The following LRP2 variants were observed in gnomAD, a reference collection of about 807,000 sequenced individuals.
LRP2 encodes LDL receptor related protein 2, also known as low-density lipoprotein receptor-related protein 2.
Under a neutral mutation model 531.0 loss-of-function variants are expected in LRP2, and 172 were observed. The ratio of observed to expected loss-of-function variants is 0.32; its 90% CI spans 0.29 to 0.37. The LOEUF is 0.37. LRP2 is among the 10% of genes least tolerant of loss of function. The pLI is 1.00. For synonymous variants in LRP2, 1,992 were observed against 2,027.6 expected, an observed-to-expected ratio of 0.98 and a Z score of 0.47; for missense variants, 5,167 against 5,868.3, an observed-to-expected ratio of 0.88 and a Z score of 3.90.
intron 9 of LRP2, among the ~76,000 whole-genome samples, chr2:169,287,525 T>C (rs1257337336): frequency 6.6e-6 from 1 of 152,134 alleles, no homozygotes; most frequent in Non-Finnish European, 1.5e-5. Context: ...AGCCCAACGA[T>C]TGTAGTTTTC....
At chr2:169,195,592 C>T (rs1687978249) in intron 46 of LRP2, among the ~76,000 whole-genome samples, 1 of 152,180 alleles carries the variant, frequency 6.6e-6, no homozygotes, top group East Asian at 1.9e-4. Context: ...GTCATTGGTA[C>T]TCACTGCTAT....
intron 37 of LRP2, 123 bp from the exon 38 acceptor site, chr2:169,209,764 T>C (rs1688528322): frequency 2.1e-6 from 2 of 950,476 alleles, no homozygotes; most frequent in African/African-American, 1.6e-5. Context: ...CATTACAAAA[T>C]GAAACCCTTT....
intron 1 of LRP2, among the ~76,000 whole-genome samples, chr2:169,357,551 C>T (rs910799865): frequency 2.4e-4 from 36 of 151,870 alleles, no homozygotes; most frequent in Non-Finnish European, 4.7e-4. Flanking sequence ...AGGCAGGTCT[C>T]GATCTCCTGA....
rs772901117 is a variant in LRP2, at chr2:169,139,273, G to A, written c.13366C>T (p.Pro4456Ser). 2.5e-6 allele frequency: 4 copies of A among 1,614,140 alleles called. No homozygotes were observed. Among genetic ancestry groups the A allele is most frequent in the East Asian group, 4.5e-5 (2 of 44,886 alleles). Residue 4456 changes from proline (P) to serine (S), a missense_variant, in exon 74 of 79, where the codon CCT becomes TCT. Physicochemically the swap from Pro to Ser is moderately conservative, Grantham distance 74 (BLOSUM62 -1). This residue lies in a region of LRP2 where 348 missense variants were observed against 369.3 expected (regional missense o/e 0.94). Transcript: ENST00000649046. ...GACCTTGGCAGCTTGGGCAGAGCAGGCAAAAGGGAGCCGGTCCTTCTATAG... is the reference window on the plus strand; with the variant it reads ...GACCTTGGCAGCTTGGGCAGAGCAGACAAAAGGGAGCCGGTCCTTCTATAG... ...FHYRRTGSLL[P>S]ALPKLPSLSS...
intron 1 of LRP2, among the ~76,000 whole-genome samples, chr2:169,326,830 C>T (rs1212743967): frequency 6.6e-6 from 1 of 151,340 alleles, no homozygotes; most frequent in Admixed American, 6.6e-5. Flanking sequence ...TGCCCGGCCG[C>T]CCATCGTCTG....
intron 30 of LRP2, among the ~76,000 whole-genome samples, chr2:169,232,541 C>G (rs1689446299): frequency 6.6e-6 from 1 of 152,096 alleles, no homozygotes; most frequent in Admixed American, 6.5e-5. Flanking sequence ...AACAACTAAA[C>G]TCAGAGAGAG....
chr2:169,152,781 A>G lies in LRP2; in HGVS notation c.12461+18T>C. ...AGGAAAACAGAACAGGTAAGGGGGG[A>G]ATGTATGGCAAATTTACCTTCCAAC... On this transcript the variant is annotated intron_variant, in intron 67 of 78. Coordinates refer to ENST00000649046, the MANE Select transcript of LRP2 (RefSeq NM_004525.3). 1 of 1,613,612 alleles carries G rather than the reference A, an allele frequency of 6.2e-7. No individual in the cohort carries two copies. Among genetic ancestry groups the G allele is most frequent in the Non-Finnish European group, 8.5e-7 (1 of 1,179,712 alleles).
chr2:169,219,496 C>T (rs957205523), intron 34 of LRP2, among the ~76,000 whole-genome samples: 17 of 152,202 alleles, frequency 1.1e-4, no homozygotes, highest in Non-Finnish European at 1.8e-4. Flanking sequence ...GTCTCCCTGG[C>T]CCTGGCCTCT....
At chr2:169,152,527 A>T (rs897850803) in intron 67 of LRP2, among the ~76,000 whole-genome samples, 15 of 152,222 alleles carry the variant, frequency 9.9e-5, no homozygotes, top group Non-Finnish European at 4.4e-5. Context: ...TATATCCTAG[A>T]TATAATATCT....
chr2:169,292,926 T>C lies in LRP2; in HGVS notation c.653-557A>G, dbSNP rs151132003. 2.2e-3 allele frequency among the ~76,000 whole-genome samples: 340 copies of C among 151,904 alleles called. 1 individual carries two copies. Among genetic ancestry groups the C allele is most frequent in the African/African-American group, 7.8e-3 (325 of 41,424 alleles). Reference sequence around the variant, plus strand: ...AATGCAGACAAAGATGCTGCAGACATGACAACATCCAACGTTCTCATACTT... The same window carrying C: ...AATGCAGACAAAGATGCTGCAGACACGACAACATCCAACGTTCTCATACTT... On this transcript the variant is annotated intron_variant, in intron 6 of 78. Transcript: ENST00000649046.
intron 43 of LRP2, among the ~76,000 whole-genome samples, 172 bp downstream of exon 43, chr2:169,202,584 C>G (rs1332068436): frequency 6.6e-6 from 1 of 152,224 alleles, no homozygotes; most frequent in Non-Finnish European, 1.5e-5. Flanking sequence ...TTAACCACTA[C>G]AGAGGTGATT....
At chr2:169,240,043 G>A (rs1350855672) in intron 25 of LRP2, among the ~76,000 whole-genome samples, 2 of 152,180 alleles carry the variant, frequency 1.3e-5, no homozygotes, top group African/African-American at 4.8e-5. Context: ...TTAATGCAAT[G>A]AGAACCCTTG....
chr2:169,187,688 T>G (rs1687680522), intron 49 of LRP2, among the ~76,000 whole-genome samples: 1 of 152,206 alleles, frequency 6.6e-6, no homozygotes, highest in African/African-American at 2.4e-5. Flanking sequence ...GTTCCCTTCA[T>G]TCTTGAGTAC....
At chr2:169,138,856 T>C in intron 74 of LRP2, 150 bp from the exon 75 acceptor site, 2 of 904,198 alleles carry the variant, frequency 2.2e-6, no homozygotes, top group Non-Finnish European at 3.5e-6. Flanking sequence ...ATTTACACTG[T>C]CAAATATGGT....
At chr2:169,259,304 T>C in intron 16 of LRP2, 87 bp from the exon 17 acceptor site, 1 of 913,032 alleles carries the variant, frequency 1.1e-6, no homozygotes, top group South Asian at 1.3e-5. Flanking sequence ...AAATTTTGTG[T>C]CAGAGTTAGA....
intron 1 of LRP2, among the ~76,000 whole-genome samples, chr2:169,339,731 A>G (rs566785470): frequency 6.6e-6 from 1 of 152,246 alleles, no homozygotes; most frequent in South Asian, 2.1e-4. Flanking sequence ...AATTCTCCTC[A>G]CTTCACTCTG....
intron 1 of LRP2, among the ~76,000 whole-genome samples, chr2:169,342,975 C>G (rs1685605684): frequency 6.6e-6 from 1 of 152,186 alleles, no homozygotes; most frequent in Non-Finnish European, 1.5e-5. Context: ...CTTACATGCT[C>G]TGTCTAAAAC....
chr2:169,362,250 C>A (rs1686187981), intron 1 of LRP2, 71 bp downstream of exon 1: 18 of 1,370,596 alleles, frequency 1.3e-5, no homozygotes, highest in Non-Finnish European at 1.8e-5. Context: ...CCCCTCCGGC[C>A]TCCCGCGGAC....
chr2:169,173,645 A>G (rs1014986205), intron 56 of LRP2, among the ~76,000 whole-genome samples: 2 of 152,250 alleles, frequency 1.3e-5, no homozygotes, highest in African/African-American at 4.8e-5. Flanking sequence ...AAAGCAGTAG[A>G]TATATAAAAT....
Sources: allele counts gnomAD v4.1 joint callset (sites outside exome capture counted in the v4.1 genomes callset), GRCh38; gene constraint gnomAD v4.1.1; regional missense constraint gnomAD v4.1.1; transcripts MANE v1.5; gene names NCBI Gene and HGNC (gene_info 2026-07-23, HGNC 2026-07-21).